MKLN1: variants seen among roughly 807,000 people sequenced by gnomAD.
The protein encoded by MKLN1 is muskelin.
A neutral mutation model predicts 99.0 loss-of-function variants in MKLN1; 18 were observed. The observed-to-expected ratio is 0.18, with a 90% CI of 0.13 to 0.27. The LOEUF is 0.27. Among genes scored for constraint, MKLN1 ranks in the 10% least tolerant of loss-of-function variants. The pLI is 1.00. For missense variants in MKLN1, 621 were observed against 875.9 expected (o/e 0.71, Z 3.67); for synonymous variants, 288 against 293.2 (o/e 0.98, Z 0.18).
intron 15 of MKLN1, among the ~76,000 whole-genome samples, chr7:131,469,210 A>T (rs1796749209): frequency 6.6e-6 from 1 of 152,124 alleles, no homozygotes; most frequent in South Asian, 2.1e-4. Context: ...AGATGGATGG[A>T]TGGATGGATG....
intron 3 of MKLN1, among the ~76,000 whole-genome samples, chr7:131,311,854 A>AC (rs1798569936): frequency 2.6e-5 from 4 of 151,840 alleles, no homozygotes; most frequent in East Asian, 3.9e-4. Context: ...TTAAAAGGTG[A>AC]ACTTTTTTTT....
intron 3 of MKLN1, among the ~76,000 whole-genome samples, chr7:131,251,139 A>G (rs1309469614): frequency 6.8e-6 from 1 of 146,646 alleles, no homozygotes; most frequent in African/African-American, 2.6e-5. Context: ...CATTTTGACC[A>G]TCTTAAAGTG....
intron 2 of MKLN1, among the ~76,000 whole-genome samples, chr7:131,194,008 T>TG (rs529009593): frequency 0.11 from 14,343 of 133,164 alleles, 740 homozygotes; most frequent in African/African-American, 0.16. Flanking sequence ...GTTTTGTTTT[T>TG]TTTTTTTTTT....
intron 3 of MKLN1, among the ~76,000 whole-genome samples, chr7:131,292,994 T>C (rs1318165435): frequency 1.3e-5 from 2 of 152,200 alleles, no homozygotes; most frequent in Non-Finnish European, 2.9e-5. Context: ...GATAGACTGA[T>C]TGCAATAGGA....
chr7:131,441,389 A>G (rs1470361063), intron 10 of MKLN1, among the ~76,000 whole-genome samples: 3 of 152,216 alleles, frequency 2.0e-5, no homozygotes, highest in African/African-American at 7.2e-5. Context: ...AGTCATTTTC[A>G]GGTTCAAAAA....
At chr7:131,352,518 C>CT (rs201305153) in intron 1 of MKLN1, among the ~76,000 whole-genome samples, 57 of 148,300 alleles carry the variant, frequency 3.8e-4, no homozygotes, top group African/African-American at 1.2e-3. Flanking sequence ...TCATTTTACA[C>CT]TTTTTTTTTT....
intron 7 of MKLN1, among the ~76,000 whole-genome samples, chr7:131,413,615 T>C (rs1417447460): frequency 6.6e-6 from 1 of 152,030 alleles, no homozygotes; most frequent in Non-Finnish European, 1.5e-5. Flanking sequence ...ACTCGGTTCA[T>C]TGCAACCTCC....
rs535497777 is a variant in MKLN1 at position 131,401,362 on chromosome 7, A to C, written c.703+1929A>C. On this transcript the variant is annotated intron_variant, in intron 6 of 17. Coordinates refer to ENST00000352689, the MANE Select transcript of MKLN1 (RefSeq NM_013255.5). ...CTACCTCTTTGCCCATGCAGGATCC[A>C]GTGATGATAGGCAAAAGTAATCACC... is the stretch of plus-strand genomic sequence containing the variant. 1.2e-3 allele frequency among the ~76,000 whole-genome samples: 188 copies of C among 152,338 alleles called. 2 individuals carry two copies. Among genetic ancestry groups the C allele is most frequent in the Non-Finnish European group, 2.1e-3 (144 of 68,010 alleles).
intron 8 of MKLN1, among the ~76,000 whole-genome samples, chr7:131,416,624 A>G (rs1795023537): frequency 6.6e-6 from 1 of 150,902 alleles, no homozygotes; most frequent in Non-Finnish European, 1.5e-5. Flanking sequence ...TGTTTTATGC[A>G]TTAGGGGTAG....
chr7:131,113,912 T>G (rs575421818), intron 1 of MKLN1, among the ~76,000 whole-genome samples: 16 of 152,244 alleles, frequency 1.1e-4, no homozygotes, highest in African/African-American at 2.9e-4. Context: ...TCAGATCTCA[T>G]GAGAACTCCC....
chr7:131,177,741 A>G (rs1455270257), intron 2 of MKLN1, among the ~76,000 whole-genome samples: 1 of 152,250 alleles, frequency 6.6e-6, no homozygotes, highest in Non-Finnish European at 1.5e-5. Flanking sequence ...AGTGCATAAT[A>G]GCTGATAACT....
chr7:131,426,557 G>A (rs1795364026), intron 8 of MKLN1, among the ~76,000 whole-genome samples: 2 of 151,614 alleles, frequency 1.3e-5, no homozygotes, highest in African/African-American at 4.8e-5. Context: ...ATAGGACAGT[G>A]TTTTTTTTGT....
chr7:131,384,045 G>T (rs1205856401), intron 2 of MKLN1, among the ~76,000 whole-genome samples: 1 of 152,156 alleles, frequency 6.6e-6, no homozygotes, highest in African/African-American at 2.4e-5. Context: ...CAAACTGCAT[G>T]ATCTGGTGAC....
chr7:131,255,866 C>A (rs1303789749), intron 3 of MKLN1, among the ~76,000 whole-genome samples: 1 of 150,480 alleles, frequency 6.6e-6, no homozygotes, highest in Non-Finnish European at 1.5e-5. Context: ...CAGGTGTGAG[C>A]CACTGTGCCC....
intron 2 of MKLN1, among the ~76,000 whole-genome samples, chr7:131,149,020 C>T (rs186945752): frequency 1.2e-3 from 190 of 152,210 alleles, no homozygotes; most frequent in African/African-American, 4.2e-3. Flanking sequence ...TAAAATCAGT[C>T]GCAGGCTCGG....
chr7:131,429,274 G>GT (rs894190679), intron 9 of MKLN1, 129 bp downstream of exon 9: 224 of 567,000 alleles, frequency 4.0e-4, no homozygotes, highest in Non-Finnish European at 5.5e-4. Context: ...TGGTAAACAA[G>GT]TTTTTTTTAA....
At chr7:131,271,769 TGTG>T (rs1797888899) in intron 3 of MKLN1, among the ~76,000 whole-genome samples, 1 of 151,210 alleles carries the variant, frequency 6.6e-6, no homozygotes, top group Non-Finnish European at 1.5e-5. Context: ...ATTAGCCAGG[TGTG>T]GTGGTGCGCA....
intron 2 of MKLN1, among the ~76,000 whole-genome samples, chr7:131,145,122 C>T (rs184491448): frequency 2.6e-5 from 4 of 152,142 alleles, no homozygotes; most frequent in East Asian, 1.9e-4. Context: ...GATGGCCTGC[C>T]GAACAAATTT....
chr7:131,168,697 A>T, intron 2 of MKLN1, among the ~76,000 whole-genome samples: 1 of 126,106 alleles, frequency 7.9e-6, no homozygotes, highest in East Asian at 1.9e-4. Flanking sequence ...CTTTATGTAT[A>T]TTTTCTTTAT....
Sources: gnomAD v4.1 joint callset for allele counts (sites outside exome capture counted in the v4.1 genomes callset) on GRCh38, gnomAD v4.1.1 for gene constraint, MANE v1.5 for transcripts, NCBI Gene and HGNC (gene_info 2026-07-23, HGNC 2026-07-21) for gene names.